Variants in RAB5C observed in about 807,000 individuals in gnomAD.
The protein encoded by RAB5C is ras-related protein Rab-5C.
In RAB5C, 4 loss-of-function variants were observed where a neutral mutation model predicts 25.2. That is an observed-to-expected ratio of 0.16 (90% CI 0.08 to 0.36). The LOEUF (loss-of-function observed/expected upper bound fraction) is 0.36. RAB5C is among the 10% of genes least tolerant of loss of function. RAB5C has a pLI of 1.00. For synonymous variants in RAB5C, 100 were observed against 106.4 expected, an observed-to-expected ratio of 0.94 and a Z score of 0.37; for missense variants, 199 against 283.8, an observed-to-expected ratio of 0.70 and a Z score of 2.15.
intron 1 of RAB5C, chr17:42,131,675 G>C: frequency 6.8e-7 from 1 of 1,462,974 alleles, no homozygotes; most frequent in Non-Finnish European, 9.2e-7. Context: ...GTGTGGGAGG[G>C]CAGAGACCAA....
At position 42,128,325 on chromosome 17, in the gene RAB5C, T is replaced by C. The variant is rs764843799; in HGVS notation, c.377A>G (p.Asn126Ser). The change falls in exon 4 of 6, where the codon AAC (asparagine) becomes AGC (serine). Residue 126 changes from asparagine (N) to serine (S), a missense_variant. Physicochemically the swap from Asn to Ser is conservative, Grantham distance 46. Transcript: ENST00000346213. ...GTTACCCGCGAGTGCAATGACGATG[T>C]TGGGGCTGGCCTGCCTCTGTAGCTC... ...VKELQRQASP[N>S]IVIALAGNKA... 4.3e-6 allele frequency: 7 copies of C among 1,614,178 alleles called. No individual in the cohort carries two copies. The highest frequency in any genetic ancestry group is 4.0e-5 in the African/African-American group (3 of 75,058).
chr17:42,149,521 GA>G (rs2079656749), intron 1 of RAB5C, among the ~76,000 whole-genome samples: 1 of 152,140 alleles, frequency 6.6e-6, no homozygotes, highest in Admixed American at 6.6e-5. Context: ...GATCAAGGCG[GA>G]AGTAAGCCAT....
intron 5 of RAB5C, among the ~76,000 whole-genome samples, chr17:42,126,190 G>A (rs2054421287): frequency 6.6e-6 from 1 of 152,138 alleles, no homozygotes. Flanking sequence ...GGGTAGTGAT[G>A]GCAGGCTCTG....
intron 4 of RAB5C, among the ~76,000 whole-genome samples, chr17:42,127,786 C>T (rs965079348): frequency 6.6e-6 from 1 of 150,404 alleles, no homozygotes; most frequent in Non-Finnish European, 1.5e-5. Context: ...CCTCAGCCTG[C>T]AGAGTATTGG....
rs1201578493 is a variant in RAB5C, at chr17:42,147,806, G to A, written c.-89+7087C>T. On this transcript the variant is annotated intron_variant, in intron 1 of 5. Transcript: ENST00000346213. ...GGAAGGGAAGTGTGTGTTAAAAGAA[G>A]TGGGCGAGGGCCAGGCATGGTGGCT... Among the ~76,000 whole-genome samples the A allele has an allele frequency of 2.0e-5, 3 of 152,312 alleles. 1 individual carries two copies. The highest frequency in any genetic ancestry group is 6.8e-3 in the Middle Eastern group (2 of 294).
chr17:42,143,096 GAAC>G (rs2079612435), intron 1 of RAB5C, among the ~76,000 whole-genome samples: 1 of 152,188 alleles, frequency 6.6e-6, no homozygotes, highest in Non-Finnish European at 1.5e-5. Context: ...TGGGTGAGTA[GAAC>G]AACAGCCAGC....
In RAB5C at chr17:42,125,901, G is replaced by A. The variant is rs1480796699; in HGVS notation, c.536-3C>T. 3.7e-6 allele frequency: 6 copies of A among 1,601,650 alleles called. No individual in the cohort carries two copies. Among genetic ancestry groups the A allele is most frequent in the Non-Finnish European group, 4.3e-6 (5 of 1,173,142 alleles). On this transcript the variant is annotated splice_polypyrimidine_tract_variant and splice_region_variant and intron_variant, in intron 5 of 5. Transcript: ENST00000346213. The stretch of plus-strand genomic sequence containing the variant: ...CTCGTTCTTGGGAAGCTTCTTAGCT[G>A]TTTGGGAGGGGGAAAAGTGCATTTG...
At chr17:42,139,708 G>C (rs547376102) in intron 1 of RAB5C, among the ~76,000 whole-genome samples, 1 of 152,258 alleles carries the variant, frequency 6.6e-6, no homozygotes. Flanking sequence ...GATCCAGGCT[G>C]TGCCAGATTC....
chr17:42,134,426 A>T (rs1266949291), intron 1 of RAB5C, among the ~76,000 whole-genome samples: 1 of 152,190 alleles, frequency 6.6e-6, no homozygotes, highest in Non-Finnish European at 1.5e-5. Context: ...TGATTTTTTT[A>T]AATTAGCCAA....
rs186606668 is a variant in RAB5C at position 42,137,301 on chromosome 17, G to A, written c.-88-6711C>T. On this transcript the variant is annotated intron_variant, in intron 1 of 5. Transcript: ENST00000346213. ...AGCCTGGACAACAGAGCGAGACACT[G>A]TCTCAAAAAAAAGAAAAAAAAAAAA... 2.4e-4 allele frequency among the ~76,000 whole-genome samples: 35 copies of A among 147,676 alleles called. No individual in the cohort carries two copies. In the East Asian group the frequency reaches 6.0e-3, roughly 25 times the overall value.
intron 1 of RAB5C, among the ~76,000 whole-genome samples, chr17:42,138,383 G>C (rs986440385): frequency 1.3e-4 from 20 of 152,176 alleles, no homozygotes; most frequent in Admixed American, 5.2e-4. Flanking sequence ...ATCCCAATGG[G>C]GGGTGTTGCA....
At chr17:42,140,626 C>A (rs1454301914) in intron 1 of RAB5C, among the ~76,000 whole-genome samples, 1 of 148,154 alleles carries the variant, frequency 6.7e-6, no homozygotes, top group African/African-American at 2.5e-5. Context: ...TGGGTTCAAG[C>A]GATTCTCGTG....
At chr17:42,135,444 T>C (rs975854908) in intron 1 of RAB5C, among the ~76,000 whole-genome samples, 1 of 151,982 alleles carries the variant, frequency 6.6e-6, no homozygotes, top group African/African-American at 2.4e-5. Context: ...CCAACTGAAT[T>C]AGAATCTCTA....
At chr17:42,150,047 A>G (rs1367501398) in intron 1 of RAB5C, among the ~76,000 whole-genome samples, 1 of 151,758 alleles carries the variant, frequency 6.6e-6, no homozygotes, top group Non-Finnish European at 1.5e-5. Context: ...ACCACGCCTG[A>G]CTAATTTTGG....
intron 1 of RAB5C, among the ~76,000 whole-genome samples, chr17:42,144,925 C>CAAAAAA (rs544870361): frequency 2.6e-4 from 8 of 31,098 alleles, no homozygotes; most frequent in Non-Finnish European, 3.3e-4. Context: ...GACTCCGTCT[C>CAAAAAA]AAAAAAAAAA....
At chr17:42,134,970 T>TC (rs3047336) in intron 1 of RAB5C, among the ~76,000 whole-genome samples, 10 of 141,532 alleles carry the variant, frequency 7.1e-5, no homozygotes, top group Non-Finnish European at 1.2e-4. Flanking sequence ...AAATTCTTTT[T>TC]TTTTCTTAAG....
chr17:42,151,219 G>A (rs1040918931), intron 1 of RAB5C, among the ~76,000 whole-genome samples: 21 of 152,164 alleles, frequency 1.4e-4, no homozygotes, highest in South Asian at 4.1e-4. Flanking sequence ...GGCGGATCAC[G>A]AGGTCAGGAG....
chr17:42,131,167 A>G (rs1476380615), intron 1 of RAB5C, among the ~76,000 whole-genome samples: 1 of 152,148 alleles, frequency 6.6e-6, no homozygotes, highest in African/African-American at 2.4e-5. Context: ...TGTTATTAAC[A>G]TAGCCATTTT....
intron 1 of RAB5C, among the ~76,000 whole-genome samples, chr17:42,135,284 T>C (rs562083360): frequency 8.7e-5 from 13 of 148,650 alleles, no homozygotes; most frequent in Non-Finnish European, 1.8e-4. Flanking sequence ...TTTTTGGAGA[T>C]AGAGTCTCAC....
Sources: gnomAD v4.1 joint callset for allele counts (sites outside exome capture counted in the v4.1 genomes callset) on GRCh38, gnomAD v4.1.1 for gene constraint, MANE v1.5 for transcripts, NCBI Gene and HGNC (gene_info 2026-07-23, HGNC 2026-07-21) for gene names.